The following PERP variants were observed in gnomAD, a reference collection of about 807,000 sequenced individuals.
PERP encodes p53 apoptosis effector related to PMP-22.
In PERP, 11 loss-of-function variants were observed where a neutral mutation model predicts 20.3. The observed-to-expected ratio is 0.54, with a 90% CI of 0.34 to 0.90. PERP has a LOEUF of 0.90. PERP is among the 40% of genes least tolerant of loss of function. The pLI is 0.02. For synonymous variants in PERP, 101 were observed against 102.0 expected, an observed-to-expected ratio of 0.99 and a Z score of 0.06; for missense variants, 224 against 249.4, an observed-to-expected ratio of 0.90 and a Z score of 0.69.
At chr6:138,095,414 G>A (rs1423926615) in intron 2 of PERP, among the ~76,000 whole-genome samples, 3 of 152,158 alleles carry the variant, frequency 2.0e-5, no homozygotes, top group Non-Finnish European at 2.9e-5. Context: ...GGGAACCGGC[G>A]CAAAGTGGCC....
Position 138,107,100 on chromosome 6 carries a change from G to A in PERP, c.214+27C>T, listed in dbSNP as rs769537120. On this transcript the variant is annotated intron_variant, in intron 1 of 2. Transcript: ENST00000421351. The surrounding 1 kb of genome is among the most constrained non-coding windows in gnomAD (Gnocchi z 4.8). The stretch of plus-strand genomic sequence containing the variant: ...CGGCCCCGAGGGCTTCCTGGAGGCG[G>A]CGACGGCGGCGGCGGCGGGCACTCA... 43 of 1,574,946 alleles carry A rather than the reference G, an allele frequency of 2.7e-5. 1 individual carries two copies. The South Asian group carries it at 4.4e-4, about 16-fold the overall frequency.
intron 2 of PERP, among the ~76,000 whole-genome samples, chr6:138,094,838 A>G (rs529278058): frequency 6.6e-6 from 1 of 152,292 alleles, no homozygotes; most frequent in African/African-American, 2.4e-5. Context: ...CTCCTGCCTC[A>G]GCCTCCCATG....
chr6:138,094,463 AATTTC>A (rs1377135925), intron 2 of PERP, among the ~76,000 whole-genome samples: 6 of 152,150 alleles, frequency 3.9e-5, no homozygotes, highest in Admixed American at 3.9e-4. Context: ...CATATATCAA[AATTTC>A]ATTCCTTTTT....
rs1172130076 is a variant in PERP, at chr6:138,107,012, T to C, written c.214+115A>G. The C allele has an allele frequency of 1.2e-5, 12 of 1,025,792 alleles. No homozygotes were observed. Among genetic ancestry groups the C allele is most frequent in the Non-Finnish European group, 1.6e-5 (12 of 739,304 alleles). The allele number at this position is 1,025,792 out of a possible 1,614,324, so 63.5% of individuals were successfully genotyped here. A position where few individuals can be genotyped will look rare whatever the true frequency, so the allele number is the denominator to read the frequency against. The stretch of plus-strand genomic sequence containing the variant: ...CCGAGCTCGTCCTAAACAGGCATTC[T>C]GAAAAGCACTGGCTCCCCCGACCCT... On this transcript the variant is annotated intron_variant, in intron 1 of 2. Transcript: ENST00000421351. This position sits in a 1 kb window ranked among gnomAD's most constrained non-coding sequence, Gnocchi z 4.8.
Position 138,107,371 on chromosome 6 carries a change from G to C in PERP, c.-31C>G, listed in dbSNP as rs767640273. 5.2e-5 allele frequency: 78 copies of C among 1,490,056 alleles called. No homozygotes were observed. The highest frequency in any genetic ancestry group is 6.2e-5 in the Non-Finnish European group (70 of 1,122,454). 92.3% of individuals were successfully genotyped at this position (1,490,056 alleles called of 1,614,324 possible). On this transcript the variant is annotated 5_prime_UTR_variant, in exon 1 of 3. Coordinates refer to ENST00000421351, the MANE Select transcript of PERP (RefSeq NM_022121.5). This position sits in a 1 kb window ranked among gnomAD's most constrained non-coding sequence, Gnocchi z 4.8. ...CGGGCGGCGCGGGGCCGAGCGGAGC[G>C]GAGCGGAGCGGGTCGGAGGAGCGCG...
At position 138,092,051 on chromosome 6, in the gene PERP, T is replaced by A. The variant is rs750903265; in HGVS notation, c.573A>T (p.Thr191=). 1 of 1,613,274 alleles carries A rather than the reference T, an allele frequency of 6.2e-7. No homozygotes were observed. Among genetic ancestry groups the A allele is most frequent in the African/African-American group, 1.3e-5 (1 of 74,914 alleles). Reference sequence around the variant, plus strand: ...CACATTCATTCCCAAGTTAGGCAGATGTGTAGAAGTACCTGGGCTTGGCAT... The same window carrying A: ...CACATTCATTCCCAAGTTAGGCAGAAGTGTAGAAGTACCTGGGCTTGGCAT... ...LGNAKPRYFY[T]SA The change falls in exon 3 of 3, where the codon ACA becomes ACT. Residue 191 remains threonine, a synonymous_variant. Coordinates refer to ENST00000421351, the MANE Select transcript of PERP (RefSeq NM_022121.5).
At chr6:138,096,516 CAA>C (rs754112581) in intron 1 of PERP, 22 bp from the exon 2 acceptor site, 20 of 1,597,932 alleles carry the variant, frequency 1.3e-5, no homozygotes, top group Non-Finnish European at 1.7e-5. Flanking sequence ...AAAGAAACAG[CAA>C]TTAACAAGAC....
chr6:138,104,674 A>T (rs895674052), intron 1 of PERP, among the ~76,000 whole-genome samples: 1 of 152,238 alleles, frequency 6.6e-6, no homozygotes, highest in African/African-American at 2.4e-5. Context: ...ATTGCCTAGT[A>T]CATATCAAGA....
intron 1 of PERP, among the ~76,000 whole-genome samples, chr6:138,099,696 A>G (rs1775744589): frequency 2.0e-5 from 3 of 152,236 alleles, no homozygotes; most frequent in African/African-American, 7.2e-5. Context: ...TAACATAAAA[A>G]GATTATTACT....
chr6:138,106,874 G>GA (rs1223372013), intron 1 of PERP, among the ~76,000 whole-genome samples: 2 of 146,332 alleles, frequency 1.4e-5, no homozygotes, highest in Admixed American at 6.8e-5. Flanking sequence ...CAAAACCCAG[G>GA]AAAAAAACTA....
chr6:138,098,380 C>A (rs896866884), intron 1 of PERP, among the ~76,000 whole-genome samples: 2 of 152,146 alleles, frequency 1.3e-5, no homozygotes, highest in Non-Finnish European at 2.9e-5. Context: ...CCTGCCTCTG[C>A]CCCTGTTGGC....
chr6:138,096,713 CT>C (rs1343016753), intron 1 of PERP, among the ~76,000 whole-genome samples: 1 of 152,144 alleles, frequency 6.6e-6, no homozygotes, highest in Non-Finnish European at 1.5e-5. Flanking sequence ...TCAGAAATGC[CT>C]TTTCCCCCTC....
In PERP at chr6:138,091,919, T is replaced by C. The variant is rs756366179; in HGVS notation, c.*123A>G. On this transcript the variant is annotated 3_prime_UTR_variant, in exon 3 of 3. Coordinates refer to ENST00000421351, the MANE Select transcript of PERP (RefSeq NM_022121.5). ...TATTTTCTCCCAAATTATTTTAGCA[T>C]TTTTGACTAGTTTAATAATATGAAC... 3.0e-5 allele frequency: 22 copies of C among 738,090 alleles called. No homozygotes were observed. Among genetic ancestry groups the C allele is most frequent in the Non-Finnish European group, 4.8e-5 (22 of 459,382 alleles). 45.7% of individuals were successfully genotyped at this position (738,090 alleles called of 1,614,324 possible).
At chr6:138,096,619 T>G in intron 1 of PERP, 125 bp from the exon 2 acceptor site, 1 of 1,093,404 alleles carries the variant, frequency 9.1e-7, no homozygotes, top group Non-Finnish European at 1.3e-6. Context: ...GGAGGGACAG[T>G]TTTTCTTTTG....
At chr6:138,105,423 C>T (rs1008085668) in intron 1 of PERP, among the ~76,000 whole-genome samples, 1 of 152,170 alleles carries the variant, frequency 6.6e-6, no homozygotes, top group Non-Finnish European at 1.5e-5. Context: ...TATTGCCTTC[C>T]ATATACAAAG....
intron 1 of PERP, among the ~76,000 whole-genome samples, chr6:138,102,829 G>A (rs1191152572): frequency 6.6e-6 from 1 of 152,070 alleles, no homozygotes; most frequent in East Asian, 1.9e-4. Context: ...GCCAGGCGCG[G>A]TGGCTCACGC....
chr6:138,097,491 T>G (rs1305142554), intron 1 of PERP, among the ~76,000 whole-genome samples: 1 of 152,220 alleles, frequency 6.6e-6, no homozygotes, highest in Non-Finnish European at 1.5e-5. Context: ...TTTTTTAATT[T>G]CAGTAGTTTT....
chr6:138,096,169 C>A (rs1281406830), intron 2 of PERP, among the ~76,000 whole-genome samples, 185 bp downstream of exon 2: 1 of 152,166 alleles, frequency 6.6e-6, no homozygotes, highest in East Asian at 1.9e-4. Context: ...ACTGCGTGAG[C>A]CACAAGAGGA....
At position 138,092,030 on chromosome 6, in the gene PERP, T is replaced by C. The variant is rs1775591711; in HGVS notation, c.*12A>G. 3.7e-6 allele frequency: 6 copies of C among 1,608,870 alleles called. No individual in the cohort carries two copies. In the South Asian group the frequency reaches 6.6e-5, roughly 18 times the overall value. ...TCAGCAGCAGCGATTTTCTCCCACATTCATTCCCAAGTTAGGCAGATGTGT... is the reference window on the plus strand; with the variant it reads ...TCAGCAGCAGCGATTTTCTCCCACACTCATTCCCAAGTTAGGCAGATGTGT... On this transcript the variant is annotated 3_prime_UTR_variant, in exon 3 of 3. Coordinates refer to ENST00000421351, the MANE Select transcript of PERP (RefSeq NM_022121.5).
Sources: gnomAD v4.1 joint callset for allele counts (sites outside exome capture counted in the v4.1 genomes callset) on GRCh38, gnomAD v4.1.1 for gene constraint, Gnocchi (gnomAD v3.1) non-coding constraint, MANE v1.5 for transcripts, NCBI Gene and HGNC (gene_info 2026-07-23, HGNC 2026-07-21) for gene names.